SYNJ2: variants seen among roughly 807,000 people sequenced by gnomAD.
SYNJ2 encodes the protein synaptojanin 2, also known as polyphosphatidylinositol phosphatase SYNJ2.
Under a neutral mutation model 141.3 loss-of-function variants are expected in SYNJ2, and 116 were observed. The observed-to-expected ratio is 0.82, with a 90% CI of 0.71 to 0.96. The LOEUF (loss-of-function observed/expected upper bound fraction) is 0.96, where lower values mean the gene tolerates loss of function less well. SYNJ2 is among the 40% of genes least tolerant of loss of function. SYNJ2 has a pLI of 0.00. For synonymous variants in SYNJ2, 745 were observed against 777.7 expected (o/e 0.96, Z 0.70); for missense variants, 1,873 against 1,934.8 (o/e 0.97, Z 0.60).
intron 1 of SYNJ2, among the ~76,000 whole-genome samples, chr6:157,993,113 A>C (rs1211377677): frequency 1.3e-5 from 2 of 150,352 alleles, no homozygotes; most frequent in Non-Finnish European, 3.0e-5. Context: ...AGTATATAAC[A>C]TATATAGTGG....
chr6:157,981,889 G>T lies in SYNJ2; in HGVS notation c.-73G>T, dbSNP rs892186646. ...AAACTCTGGCAAGTTGCGGGCGCGC[G>T]GGGAGCTGTCGCGGGCAGCGCGCCC... is the stretch of plus-strand genomic sequence containing the variant. On this transcript the variant is annotated 5_prime_UTR_variant, in exon 1 of 27. Coordinates refer to ENST00000355585, the MANE Select transcript of SYNJ2 (RefSeq NM_003898.4). This position sits in a 1 kb window ranked among gnomAD's most constrained non-coding sequence, Gnocchi z 6.4. The T allele has an allele frequency of 8.4e-7, 1 of 1,193,898 alleles. No homozygotes were observed. Among genetic ancestry groups the T allele is most frequent in the African/African-American group, 1.6e-5 (1 of 63,418 alleles). 74.0% of individuals were successfully genotyped at this position (1,193,898 alleles called of 1,614,324 possible).
intron 2 of SYNJ2, among the ~76,000 whole-genome samples, chr6:158,021,744 A>C (rs1778782661): frequency 6.6e-6 from 1 of 152,144 alleles, no homozygotes; most frequent in South Asian, 2.1e-4. Flanking sequence ...TTGAACCCTT[A>C]GTCTTTTGGG....
At chr6:158,081,632 T>TCC (rs1782694187) in intron 20 of SYNJ2, 122 bp downstream of exon 20, 1 of 280,948 alleles carries the variant, frequency 3.6e-6, no homozygotes, top group African/African-American at 1.1e-4. Context: ...TTTTTTTTTT[T>TCC]TTTCTCTGAG....
At chr6:158,068,140 T>TAAA (rs35047437) in intron 12 of SYNJ2, among the ~76,000 whole-genome samples, 1 of 126,084 alleles carries the variant, frequency 7.9e-6, no homozygotes, top group African/African-American at 3.1e-5. Context: ...TTGTTTTATT[T>TAAA]AAAAAAAAAA....
chr6:158,059,891 A>AG (rs1193564515), intron 7 of SYNJ2, among the ~76,000 whole-genome samples: 28 of 152,194 alleles, frequency 1.8e-4, no homozygotes, highest in Admixed American at 1.7e-3. Context: ...TGGTTGGGAG[A>AG]ATTTGCTCAA....
At position 157,989,427 on chromosome 6, in the gene SYNJ2, AATATATATATATATATATATATATAT is replaced by A. The variant is rs34948131; in HGVS notation, c.127+7354_127+7379del. Among the ~76,000 whole-genome samples, 165 of 96,302 alleles carry A rather than the reference AATATATATATATATATATATATATAT, an allele frequency of 1.7e-3. 5 individuals are homozygous for A. Among genetic ancestry groups the A allele is most frequent in the African/African-American group, 4.2e-3 (120 of 28,840 alleles). The allele number at this position is 96,302 out of a possible 152,430, so 63.2% of individuals were successfully genotyped here. A position where few individuals can be genotyped will look rare whatever the true frequency, so the allele number is the denominator to read the frequency against. On this transcript the variant is annotated intron_variant, in intron 1 of 26. Transcript: ENST00000355585. ...AATCTCATTCTTATGTAAAAAAATG[AATATATATATATATATATATATATAT>A]ATATATATATATATGGAAAAAGACT...
chr6:158,067,581 G>A (rs1250255919), intron 12 of SYNJ2: 32 of 985,078 alleles, frequency 3.2e-5, no homozygotes, highest in Non-Finnish European at 3.9e-5. Flanking sequence ...TTTTTGTTTT[G>A]CTTCCTTGGA....
chr6:158,047,439 A>G (rs1780300023), intron 5 of SYNJ2, among the ~76,000 whole-genome samples: 2 of 152,308 alleles, frequency 1.3e-5, no homozygotes, highest in South Asian at 4.1e-4. Context: ...AATGGGGCTA[A>G]CAATATCTAC....
intron 2 of SYNJ2, 115 bp downstream of exon 2, chr6:158,017,405 C>CA (rs781277179): frequency 3.7e-5 from 22 of 600,484 alleles, no homozygotes; most frequent in Admixed American, 5.1e-5. Context: ...TCTCTCTCTT[C>CA]TTTTTTTTTT....
intron 2 of SYNJ2, among the ~76,000 whole-genome samples, chr6:158,019,272 C>T (rs1778634081): frequency 6.6e-6 from 1 of 152,228 alleles, no homozygotes; most frequent in Non-Finnish European, 1.5e-5. Flanking sequence ...AAGTGGTGCC[C>T]TGGGTTTTAA....
chr6:157,995,187 A>G (rs1482876303), intron 1 of SYNJ2, among the ~76,000 whole-genome samples: 1 of 152,244 alleles, frequency 6.6e-6, no homozygotes, highest in African/African-American at 2.4e-5. Context: ...ACTGCGTATG[A>G]ATAGCCCCAG....
intron 1 of SYNJ2, among the ~76,000 whole-genome samples, chr6:157,988,014 C>G (rs913612433): frequency 6.6e-6 from 1 of 152,242 alleles, no homozygotes; most frequent in Non-Finnish European, 1.5e-5. Context: ...AAGAGAGGGC[C>G]GAGGGCCATG....
At chr6:158,082,285 G>A (rs1191205813) in intron 20 of SYNJ2, among the ~76,000 whole-genome samples, 5 of 152,094 alleles carry the variant, frequency 3.3e-5, no homozygotes, top group East Asian at 1.9e-4. Context: ...TCAGGATTTC[G>A]AGACCAGCCT....
At chr6:158,015,880 A>G (rs1216846075) in intron 1 of SYNJ2, among the ~76,000 whole-genome samples, 2 of 152,194 alleles carry the variant, frequency 1.3e-5, no homozygotes, top group South Asian at 4.1e-4. Context: ...TTTCTGTACC[A>G]TACAACTCAT....
Position 158,071,576 on chromosome 6 carries a change from G to T in SYNJ2, c.1941-26G>T. On this transcript the variant is annotated intron_variant, in intron 14 of 26. Transcript: ENST00000355585. This position sits in a 1 kb window ranked among gnomAD's most constrained non-coding sequence, Gnocchi z 4.3. ...TCACACTTCTCCTTCAGGAGCCGAC[G>T]GCATGCGCGTATCCTTCTGTTCCAG... The T allele has an allele frequency of 6.2e-7, 1 of 1,603,152 alleles. No individual in the cohort carries two copies. The highest frequency in any genetic ancestry group is 8.5e-7 in the Non-Finnish European group (1 of 1,174,086).
chr6:157,999,092 T>A (rs1195648073), intron 1 of SYNJ2, among the ~76,000 whole-genome samples: 1 of 152,134 alleles, frequency 6.6e-6, no homozygotes, highest in Non-Finnish European at 1.5e-5. Flanking sequence ...CTCCTATAGA[T>A]CATGAAGAAG....
chr6:158,094,394 C>CAA (rs532980446), intron 26 of SYNJ2, among the ~76,000 whole-genome samples: 1,315 of 71,670 alleles, frequency 0.018, 15 homozygotes, highest in African/African-American at 0.028. Flanking sequence ...TACGGCTGGG[C>CAA]AAAAAAAAAA....
intron 1 of SYNJ2, among the ~76,000 whole-genome samples, chr6:157,985,356 T>C (rs1056365467): frequency 5.3e-5 from 8 of 152,236 alleles, no homozygotes; most frequent in African/African-American, 1.4e-4. Flanking sequence ...TCTAAAAGAA[T>C]TAGGTTGTGA....
intron 1 of SYNJ2, among the ~76,000 whole-genome samples, chr6:157,986,160 A>C (rs1404054690): frequency 6.6e-6 from 1 of 152,194 alleles, no homozygotes; most frequent in African/African-American, 2.4e-5. Context: ...GACAAAGTTG[A>C]AACCACAGGT....
Sources: allele counts gnomAD v4.1 joint callset (sites outside exome capture counted in the v4.1 genomes callset), GRCh38; gene constraint gnomAD v4.1.1; non-coding constraint Gnocchi (gnomAD v3.1); transcripts MANE v1.5; gene names NCBI Gene and HGNC (gene_info 2026-07-23, HGNC 2026-07-21).